The following RANBP2 variants were observed in gnomAD, a reference collection of about 807,000 sequenced individuals.
The protein encoded by RANBP2 is RAN binding protein 2, also known as E3 SUMO-protein ligase RanBP2.
In RANBP2, 57 loss-of-function variants were observed where a neutral mutation model predicts 303.6. The ratio of observed to expected loss-of-function variants is 0.19; its 90% CI spans 0.15 to 0.23. RANBP2 has a LOEUF of 0.23. Ranked by LOEUF, RANBP2 falls within the 10% of genes least tolerant of loss-of-function variation. The pLI, the probability that RANBP2 is intolerant of heterozygous loss-of-function variation, is 1.00. For synonymous variants in RANBP2, 1,167 were observed against 1,301.5 expected (o/e 0.90, Z 2.23); for missense variants, 3,138 against 3,780.8 (o/e 0.83, Z 4.46).
chr2:109,340,384 C>T, the RANBP2 span, among the ~76,000 whole-genome samples: 1 of 152,136 alleles, frequency 6.6e-6, no homozygotes, highest in East Asian at 1.9e-4. Context: ...GATGAGAGCC[C>T]CAGTACTGCT....
At chr2:108,725,632 C>G (rs1332120159) in intron 1 of RANBP2, among the ~76,000 whole-genome samples, 1 of 151,852 alleles carries the variant, frequency 6.6e-6, no homozygotes, top group Non-Finnish European at 1.5e-5. Flanking sequence ...TGGTGGCGTG[C>G]GCCTGTAGTC....
chr2:108,737,304 T>C (rs1695667684), intron 6 of RANBP2, among the ~76,000 whole-genome samples: 1 of 151,680 alleles, frequency 6.6e-6, no homozygotes, highest in South Asian at 2.1e-4. Context: ...AAGATCTTTG[T>C]ATGTGGGTTC....
the RANBP2 span, chr2:109,371,776 A>C: frequency 9.7e-7 from 1 of 1,031,840 alleles, no homozygotes; most frequent in Non-Finnish European, 1.5e-6. Context: ...CTTTTCTAAG[A>C]GAGAAAGAGG....
the RANBP2 span, among the ~76,000 whole-genome samples, chr2:109,027,589 C>G: frequency 6.6e-6 from 1 of 152,214 alleles, no homozygotes; most frequent in Non-Finnish European, 1.5e-5. Context: ...CCTCAGCTCC[C>G]CTCCTGTAAG....
chr2:108,777,476 C>T (rs796986843), intron 25 of RANBP2, among the ~76,000 whole-genome samples: 89 of 152,172 alleles, frequency 5.8e-4, no homozygotes, highest in African/African-American at 2.0e-3. Context: ...AATGCAGAAC[C>T]ATTTTTGAGC....
chr2:109,458,099 C>T, the RANBP2 span, among the ~76,000 whole-genome samples: 2 of 152,190 alleles, frequency 1.3e-5, no homozygotes, highest in Non-Finnish European at 2.9e-5. Flanking sequence ...GGGAATAAGA[C>T]GGCTTCATAC....
the RANBP2 span, among the ~76,000 whole-genome samples, chr2:109,506,767 G>A: frequency 6.6e-6 from 1 of 152,224 alleles, no homozygotes; most frequent in African/African-American, 2.4e-5. Flanking sequence ...CTTGAATGTA[G>A]CAGAAATACT....
the RANBP2 span, among the ~76,000 whole-genome samples, chr2:109,700,492 G>A: frequency 6.6e-6 from 1 of 152,142 alleles, no homozygotes; most frequent in Non-Finnish European, 1.5e-5. Context: ...GGCGCTTCCA[G>A]GTCACAGATA....
At chr2:109,233,435 C>G in the RANBP2 span, among the ~76,000 whole-genome samples, 55 of 152,318 alleles carry the variant, frequency 3.6e-4, no homozygotes, top group South Asian at 9.9e-3. Flanking sequence ...CACTTCGTGT[C>G]TTCCCTCCTC....
At chr2:109,691,806 A>T in the RANBP2 span, among the ~76,000 whole-genome samples, 1 of 151,006 alleles carries the variant, frequency 6.6e-6, no homozygotes, top group Non-Finnish European at 1.5e-5. Flanking sequence ...TTTTTGAGGC[A>T]GAGTCTTGCT....
At chr2:109,102,277 T>C in the RANBP2 span, among the ~76,000 whole-genome samples, 79 of 152,034 alleles carry the variant, frequency 5.2e-4, no homozygotes, top group African/African-American at 1.8e-3. Flanking sequence ...ATTTTTTGTA[T>C]TTTTAGTAGA....
At chr2:109,419,342 A>ATTTC in the RANBP2 span, among the ~76,000 whole-genome samples, 1 of 152,122 alleles carries the variant, frequency 6.6e-6, no homozygotes, top group Non-Finnish European at 1.5e-5. Flanking sequence ...GGCTCTTGAA[A>ATTTC]ATCACCTCAG....
the RANBP2 span, among the ~76,000 whole-genome samples, chr2:109,238,462 TG>T: frequency 2.9e-5 from 3 of 104,838 alleles, no homozygotes; most frequent in Admixed American, 2.9e-4. Flanking sequence ...TGTGTGTGTG[TG>T]TGTGTGTGTG....
chr2:109,318,114 C>T, the RANBP2 span, among the ~76,000 whole-genome samples: 1 of 143,692 alleles, frequency 7.0e-6, no homozygotes, highest in Admixed American at 6.9e-5. Flanking sequence ...AAAAAAAAGC[C>T]CCCTTTAAGC....
the RANBP2 span, among the ~76,000 whole-genome samples, chr2:109,218,260 G>A: frequency 6.6e-6 from 1 of 152,158 alleles, no homozygotes; most frequent in Non-Finnish European, 1.5e-5. Context: ...AGACATTTCA[G>A]TATTTATTTG....
chr2:109,491,112 G>A, the RANBP2 span, among the ~76,000 whole-genome samples: 42 of 152,338 alleles, frequency 2.8e-4, no homozygotes, highest in South Asian at 8.5e-3. Flanking sequence ...GATGAAACGA[G>A]TCTGGGAACT....
At chr2:109,690,782 T>C in the RANBP2 span, among the ~76,000 whole-genome samples, 1 of 152,044 alleles carries the variant, frequency 6.6e-6, no homozygotes, top group Non-Finnish European at 1.5e-5. Context: ...GTGGGGTGTG[T>C]TGGGGGGTAG....
the RANBP2 span, among the ~76,000 whole-genome samples, chr2:109,643,806 T>C: frequency 6.1e-5 from 9 of 148,382 alleles, no homozygotes. Flanking sequence ...TCCTGAATGC[T>C]TGGGGAGACT....
intron 21 of RANBP2, 113 bp from the exon 22 acceptor site, chr2:108,772,376 T>C: frequency 6.6e-6 from 5 of 757,530 alleles, no homozygotes; most frequent in South Asian, 6.4e-5. Flanking sequence ...AGATATAAAA[T>C]TGGCTGCAAT....
Sources: allele counts gnomAD v4.1 joint callset (sites outside exome capture counted in the v4.1 genomes callset), GRCh38; gene constraint gnomAD v4.1.1; transcripts MANE v1.5; gene names NCBI Gene and HGNC (gene_info 2026-07-23, HGNC 2026-07-21).